Variants in C10orf67 observed in about 807,000 individuals in gnomAD.
C10orf67 encodes chromosome 10 open reading frame 67.
Under a neutral mutation model 35.6 loss-of-function variants are expected in C10orf67, and 60 were observed. The observed-to-expected ratio is 1.68, with a 90% CI of 1.37 to 2.09. The LOEUF is 2.09. Among genes scored for constraint, C10orf67 ranks in the 30% most tolerant of loss-of-function variants. The probability of loss-of-function intolerance (pLI) is 0.00; values close to 1 mark genes in which losing one functional copy is unlikely to be tolerated. For missense variants in C10orf67, 474 were observed against 330.2 expected, an observed-to-expected ratio of 1.44 and a Z score of -3.38; for synonymous variants, 167 against 115.8, an observed-to-expected ratio of 1.44 and a Z score of -2.84.
intron 13 of C10orf67, among the ~76,000 whole-genome samples, chr10:23,226,264 T>C (rs902327449): frequency 6.6e-6 from 1 of 151,998 alleles, no homozygotes; most frequent in Non-Finnish European, 1.5e-5. Context: ...GCAATCAAAC[T>C]AGAACTCAGG....
chr10:23,319,388 T>A (rs190251560), intron 4 of C10orf67, among the ~76,000 whole-genome samples: 1 of 152,354 alleles, frequency 6.6e-6, no homozygotes, highest in Non-Finnish European at 1.5e-5. Flanking sequence ...TACCACATTT[T>A]TTTTTATCCA....
intron 12 of C10orf67, among the ~76,000 whole-genome samples, chr10:23,240,506 C>T (rs2132139004): frequency 6.6e-6 from 1 of 152,284 alleles, no homozygotes; most frequent in East Asian, 1.9e-4. Flanking sequence ...AGAAATCACA[C>T]ACCAAAGATA....
At chr10:23,319,411 T>A (rs1463967190) in intron 4 of C10orf67, among the ~76,000 whole-genome samples, 1 of 152,202 alleles carries the variant, frequency 6.6e-6, no homozygotes, top group Non-Finnish European at 1.5e-5. Context: ...CCACCGTTGA[T>A]GGGCATCTAG....
chr10:23,228,708 C>G (rs1397315690), intron 13 of C10orf67, among the ~76,000 whole-genome samples: 2 of 152,114 alleles, frequency 1.3e-5, no homozygotes, highest in Non-Finnish European at 2.9e-5. Context: ...GGGCTAATAT[C>G]CAGAATCTAC....
intron 2 of C10orf67, among the ~76,000 whole-genome samples, chr10:23,328,899 C>A (rs1845301109): frequency 6.8e-6 from 1 of 147,584 alleles, no homozygotes; most frequent in South Asian, 2.1e-4. Flanking sequence ...GCAGGAGGAT[C>A]ACTTGAGCCC....
chr10:23,310,413 A>G (rs4748856), intron 4 of C10orf67, among the ~76,000 whole-genome samples: 59,066 of 152,072 alleles, frequency 0.39, 14,427 homozygotes, highest in East Asian at 0.74. Flanking sequence ...TTCTCCAACT[A>G]TCTGGTGCAG....
At chr10:23,202,041 T>G (rs887874974), downstream of C10orf67, 1 of 152,256 alleles carries the variant, frequency 6.6e-6, no homozygotes, top group Non-Finnish European at 1.5e-5. Context: ...GCAAATTTCT[T>G]TCAATGGTGT....
chr10:23,208,353 A>G (rs890356069), intron 15 of C10orf67, among the ~76,000 whole-genome samples: 5 of 152,216 alleles, frequency 3.3e-5, no homozygotes, highest in African/African-American at 7.2e-5. Context: ...CACACTGAAA[A>G]TATTTAAAAT....
intron 1 of C10orf67, among the ~76,000 whole-genome samples, chr10:23,334,856 AG>A (rs993566704): frequency 3.3e-5 from 5 of 152,222 alleles, no homozygotes; most frequent in African/African-American, 1.2e-4. Context: ...GGTGACTACA[AG>A]GGGGGCCAGC....
At chr10:23,322,725 T>C (rs1845008913) in intron 2 of C10orf67, among the ~76,000 whole-genome samples, 188 bp from the exon 3 acceptor site, 1 of 151,976 alleles carries the variant, frequency 6.6e-6, no homozygotes, top group Non-Finnish European at 1.5e-5. Context: ...AAATACCTAG[T>C]GGGAAGTAGC....
Position 23,223,232 on chromosome 10 carries a change from C to G in C10orf67, c.1570+366G>C, listed in dbSNP as rs373928966. ...TGGACTACAGGTTCATGCCACCATG[C>G]CTGGCTAATTTTTGTATGTTTGTAT... On this transcript the variant is annotated intron_variant, in intron 15 of 15. Coordinates refer to ENST00000636213, the MANE Select transcript of C10orf67 (RefSeq NM_001371909.1). Among the ~76,000 whole-genome samples, 28 of 152,148 alleles carry G rather than the reference C, an allele frequency of 1.8e-4. No individual in the cohort carries two copies. In the South Asian group the frequency reaches 4.4e-3, roughly 24 times the overall value.
chr10:23,213,952 AAG>A (rs1370586878), intron 15 of C10orf67, among the ~76,000 whole-genome samples: 1 of 152,110 alleles, frequency 6.6e-6, no homozygotes, highest in East Asian at 1.9e-4. Context: ...AGTTGCTTAA[AAG>A]AGAAAAATGC....
chr10:23,262,878 T>C (rs1842789337), intron 10 of C10orf67, among the ~76,000 whole-genome samples: 1 of 152,208 alleles, frequency 6.6e-6, no homozygotes, highest in African/African-American at 2.4e-5. Flanking sequence ...ATCTAAAGAT[T>C]AATTCATTTT....
At chr10:23,329,010 A>AAAAAAAAAAAAAAAAAAAG (rs1845318795) in intron 2 of C10orf67, among the ~76,000 whole-genome samples, 1 of 147,910 alleles carries the variant, frequency 6.8e-6, no homozygotes, top group Non-Finnish European at 1.5e-5. Flanking sequence ...AAAAAAAAAA[A>AAAAAAAAAAAAAAAAAAAG]AAAGAAAGAA....
At chr10:23,327,340 C>A (rs567431236) in intron 2 of C10orf67, among the ~76,000 whole-genome samples, 306 of 152,062 alleles carry the variant, frequency 2.0e-3, no homozygotes, top group Non-Finnish European at 3.6e-3. Context: ...AAACTATATA[C>A]AATTTATAAG....
chr10:23,277,561 A>AG (rs1162292678), intron 8 of C10orf67, among the ~76,000 whole-genome samples: 1 of 152,002 alleles, frequency 6.6e-6, no homozygotes, highest in Non-Finnish European at 1.5e-5. Context: ...CAAAAAAAAA[A>AG]AAAAAATAAT....
chr10:23,250,521 C>T lies in C10orf67; in HGVS notation c.1281-1G>A, dbSNP rs1002254136. On this transcript the variant is annotated splice_acceptor_variant, in intron 11 of 15. Transcript: ENST00000636213. LOFTEE classifies it high-confidence loss of function. ...TAGTCGATCAGCTTCCTTCCTAAAC[C>T]TATAAAAAATTTACAGATGGTTAAA... 1.0e-5 allele frequency: 4 copies of T among 398,396 alleles called. No homozygotes were observed. Among genetic ancestry groups the T allele is most frequent in the African/African-American group, 8.2e-5 (4 of 48,572 alleles). The allele number at this position is 398,396 out of a possible 1,614,324, so 24.7% of individuals were successfully genotyped here.
intron 13 of C10orf67, among the ~76,000 whole-genome samples, chr10:23,234,614 A>G (rs912931937): frequency 6.6e-5 from 10 of 152,078 alleles, no homozygotes; most frequent in African/African-American, 2.4e-4. Flanking sequence ...AATCTGTACA[A>G]CAAACCCCCA....
intron 2 of C10orf67, among the ~76,000 whole-genome samples, chr10:23,328,899 C>T (rs1845301109): frequency 6.8e-6 from 1 of 147,584 alleles, no homozygotes; most frequent in Non-Finnish European, 1.5e-5. Flanking sequence ...GCAGGAGGAT[C>T]ACTTGAGCCC....
Sources: gnomAD v4.1 joint callset for allele counts (sites outside exome capture counted in the v4.1 genomes callset) on GRCh38, gnomAD v4.1.1 for gene constraint, MANE v1.5 for transcripts, NCBI Gene and HGNC (gene_info 2026-07-23, HGNC 2026-07-21) for gene names.